Variants in NDST3 observed in about 807,000 individuals in gnomAD.
NDST3 encodes the protein N-deacetylase and N-sulfotransferase 3.
NDST3 carries 58 observed loss-of-function variants against 96.1 expected under a neutral mutation model. The observed-to-expected ratio is 0.60, with a 90% CI of 0.49 to 0.75. The LOEUF (loss-of-function observed/expected upper bound fraction) is 0.75. Among genes scored for constraint, NDST3 ranks in the 30% least tolerant of loss-of-function variants. The pLI is 0.00. For synonymous variants in NDST3, 333 were observed against 359.7 expected (o/e 0.93, Z 0.84); for missense variants, 788 against 1,034.2 (o/e 0.76, Z 3.27).
intron 6 of NDST3, among the ~76,000 whole-genome samples, chr4:118,204,609 G>A (rs1202403567): frequency 6.9e-6 from 1 of 144,570 alleles, no homozygotes; most frequent in Non-Finnish European, 1.5e-5. Context: ...AACTTCCATT[G>A]AGGTTACTGT....
chr4:118,221,999 A>C (rs984473848), intron 6 of NDST3, among the ~76,000 whole-genome samples: 7 of 151,656 alleles, frequency 4.6e-5, no homozygotes, highest in African/African-American at 7.3e-5. Flanking sequence ...ATCTAAAAAA[A>C]AAAAAACAAA....
chr4:118,247,404 T>C (rs967955993), intron 12 of NDST3, among the ~76,000 whole-genome samples: 3 of 151,896 alleles, frequency 2.0e-5, no homozygotes, highest in Non-Finnish European at 4.4e-5. Flanking sequence ...ATACAAAAAT[T>C]AGCTGGGCGT....
chr4:118,130,005 T>C (rs1732474477), intron 4 of NDST3, among the ~76,000 whole-genome samples: 1 of 152,086 alleles, frequency 6.6e-6, no homozygotes, highest in Non-Finnish European at 1.5e-5. Flanking sequence ...GGATAACTAC[T>C]CCTGTTCATT....
chr4:118,157,843 G>A (rs191646438), intron 6 of NDST3, among the ~76,000 whole-genome samples: 186 of 152,210 alleles, frequency 1.2e-3, no homozygotes, highest in Non-Finnish European at 1.9e-3. Flanking sequence ...ACCTAACATG[G>A]ATGTGTATGT....
At chr4:118,077,730 C>A (rs1470508353) in intron 2 of NDST3, among the ~76,000 whole-genome samples, 2 of 152,214 alleles carry the variant, frequency 1.3e-5, no homozygotes, top group Non-Finnish European at 2.9e-5. Flanking sequence ...CCTGCTTGGG[C>A]ACCACCCAAG....
At chr4:118,049,524 C>A (rs1170457586) in intron 1 of NDST3, among the ~76,000 whole-genome samples, 1 of 151,530 alleles carries the variant, frequency 6.6e-6, no homozygotes, top group East Asian at 1.9e-4. Flanking sequence ...AAAGAACAAT[C>A]AAAAATGACA....
At chr4:118,149,859 T>A (rs1734253200) in intron 6 of NDST3, among the ~76,000 whole-genome samples, 1 of 152,156 alleles carries the variant, frequency 6.6e-6, no homozygotes, top group Non-Finnish European at 1.5e-5. Context: ...TGCTTCCAGT[T>A]TTTGCCCATT....
At chr4:118,102,880 C>T (rs1208235178) in intron 2 of NDST3, among the ~76,000 whole-genome samples, 1 of 152,006 alleles carries the variant, frequency 6.6e-6, no homozygotes, top group Non-Finnish European at 1.5e-5. Flanking sequence ...TTAGTATCTG[C>T]CATCTGTTTC....
At position 118,138,104 on chromosome 4, in the gene NDST3, G is replaced by A. The variant is rs142162150; in HGVS notation, c.1275G>A (p.Ser425=). ...DMGYAVAPHH[S]GVYPVHVQLY... is the part of the protein sequence containing the mutation. Reference sequence around the variant, plus strand: ...GCTACGCTGTGGCCCCTCACCATTCGGGCGTCTACCCTGTACATGTTCAGC... The same window carrying A: ...GCTACGCTGTGGCCCCTCACCATTCAGGCGTCTACCCTGTACATGTTCAGC... The change falls in exon 5 of 14, where the codon TCG becomes TCA. Residue 425 remains serine, a synonymous_variant. Transcript: ENST00000296499. The A allele has an allele frequency of 9.8e-5, 158 of 1,613,150 alleles. No homozygotes were observed. The highest frequency in any genetic ancestry group is 3.0e-4 in the Admixed American group (18 of 59,898).
At chr4:118,229,130 G>A (rs922410681) in intron 8 of NDST3, among the ~76,000 whole-genome samples, 10 of 151,780 alleles carry the variant, frequency 6.6e-5, no homozygotes, top group Middle Eastern at 3.4e-3. Context: ...GTGAAAACCC[G>A]TCACTACTAA....
intron 12 of NDST3, among the ~76,000 whole-genome samples, chr4:118,251,348 G>A (rs1385333109): frequency 2.0e-5 from 3 of 151,352 alleles, no homozygotes; most frequent in South Asian, 4.2e-4. Flanking sequence ...GGATGGTCTT[G>A]ATCTCCTGAC....
intron 2 of NDST3, among the ~76,000 whole-genome samples, chr4:118,077,435 C>G (rs188624213): frequency 1.7e-3 from 265 of 152,340 alleles, no homozygotes; most frequent in African/African-American, 6.1e-3. Context: ...AGCAGATAGA[C>G]TCTTGGCGGC....
intron 6 of NDST3, among the ~76,000 whole-genome samples, chr4:118,157,998 T>C (rs1315144589): frequency 1.3e-5 from 2 of 152,138 alleles, no homozygotes; most frequent in African/African-American, 4.8e-5. Context: ...ACATTTCTCA[T>C]GTATTGTCAG....
intron 12 of NDST3, among the ~76,000 whole-genome samples, chr4:118,248,523 A>G (rs556668886): frequency 6.6e-6 from 1 of 152,326 alleles, no homozygotes; most frequent in East Asian, 1.9e-4. Context: ...ACAAAATGTT[A>G]TTGAATAATT....
chr4:118,081,567 A>T (rs564364515), intron 2 of NDST3, among the ~76,000 whole-genome samples: 1 of 152,300 alleles, frequency 6.6e-6, no homozygotes, highest in East Asian at 1.9e-4. Context: ...CTTACACTGT[A>T]GTAATTTGCT....
At chr4:118,200,950 C>T (rs557417896) in intron 6 of NDST3, among the ~76,000 whole-genome samples, 42 of 152,182 alleles carry the variant, frequency 2.8e-4, no homozygotes, top group Middle Eastern at 3.4e-3. Context: ...CTCCCAAGCT[C>T]GAGTAGTCCA....
intron 1 of NDST3, among the ~76,000 whole-genome samples, chr4:118,035,011 T>C (rs1724069397): frequency 1.3e-5 from 2 of 152,332 alleles, no homozygotes; most frequent in East Asian, 3.9e-4. Flanking sequence ...ATGCAGTTTA[T>C]AGACATTATT....
At chr4:118,049,932 G>GA (rs760490319) in intron 1 of NDST3, among the ~76,000 whole-genome samples, 11 of 151,544 alleles carry the variant, frequency 7.3e-5, no homozygotes, top group Non-Finnish European at 1.5e-4. Context: ...ACACAATGAA[G>GA]AAAAAAAACT....
chr4:118,084,910 C>T (rs1247982059), intron 2 of NDST3, among the ~76,000 whole-genome samples: 1 of 151,992 alleles, frequency 6.6e-6, no homozygotes, highest in African/African-American at 2.4e-5. Flanking sequence ...CATGAGGTCA[C>T]GAGATCGAGA....
Sources: gnomAD v4.1 joint callset for allele counts (sites outside exome capture counted in the v4.1 genomes callset) on GRCh38, gnomAD v4.1.1 for gene constraint, MANE v1.5 for transcripts, NCBI Gene and HGNC (gene_info 2026-07-23, HGNC 2026-07-21) for gene names.